FRMD4A: variants seen among roughly 807,000 people sequenced by gnomAD.
FRMD4A encodes the protein FERM domain-containing protein 4A.
Under a neutral mutation model 129.1 loss-of-function variants are expected in FRMD4A, and 29 were observed. That is an observed-to-expected ratio of 0.22 (90% CI 0.17 to 0.31). The LOEUF is 0.31. Among genes scored for constraint, FRMD4A ranks in the 10% least tolerant of loss-of-function variants. The probability of loss-of-function intolerance (pLI) is 1.00; values close to 1 mark genes in which losing one functional copy is unlikely to be tolerated. For missense variants in FRMD4A, 1,272 were observed against 1,375.8 expected, an observed-to-expected ratio of 0.92 and a Z score of 1.19; for synonymous variants, 634 against 571.6, an observed-to-expected ratio of 1.11 and a Z score of -1.56.
chr10:13,696,433 G>C (rs924387189), intron 14 of FRMD4A, among the ~76,000 whole-genome samples: 1 of 152,302 alleles, frequency 6.6e-6, no homozygotes, highest in Non-Finnish European at 1.5e-5. Flanking sequence ...AAGGGTCTGG[G>C]CTCTGAAGTC....
chr10:13,825,385 T>A (rs1054187141), intron 3 of FRMD4A, among the ~76,000 whole-genome samples: 1 of 152,174 alleles, frequency 6.6e-6, no homozygotes, highest in African/African-American at 2.4e-5. Flanking sequence ...TGTTAGAAAC[T>A]GGGTTGCACA....
chr10:13,961,031 G>T (rs865793806), intron 2 of FRMD4A, among the ~76,000 whole-genome samples: 5 of 152,172 alleles, frequency 3.3e-5, no homozygotes, highest in Middle Eastern at 3.2e-3. Flanking sequence ...CACTGCAGAA[G>T]CTAAAGTTAC....
intron 2 of FRMD4A, among the ~76,000 whole-genome samples, chr10:14,164,810 C>G: frequency 6.6e-6 from 1 of 152,316 alleles, no homozygotes; most frequent in East Asian, 1.9e-4. Context: ...CTGCAACCCA[C>G]GATGGCTTTG....
At chr10:13,731,189 A>C (rs1054155921) in intron 12 of FRMD4A, among the ~76,000 whole-genome samples, 4 of 152,184 alleles carry the variant, frequency 2.6e-5, no homozygotes, top group Non-Finnish European at 5.9e-5. Context: ...GAGGAGAGCT[A>C]CAAAGCACTC....
chr10:13,728,573 C>CATTTTTTTTTTTTTTTTTTTTTT (rs2090078104), intron 12 of FRMD4A, among the ~76,000 whole-genome samples: 1 of 78,372 alleles, frequency 1.3e-5, no homozygotes, highest in Non-Finnish European at 2.4e-5. Flanking sequence ...GATTACCATT[C>CATTTTTTTTTTTTTTTTTTTTTT]TTTTTTTTTT....
At chr10:13,830,135 C>G (rs113549019) in intron 3 of FRMD4A, among the ~76,000 whole-genome samples, 2,717 of 152,284 alleles carry the variant, frequency 0.018, 44 homozygotes, top group Non-Finnish European at 0.026. Context: ...GTGTGTCAGT[C>G]TGCAGAGAGA....
chr10:14,245,021 G>C (rs1014170457), intron 2 of FRMD4A, among the ~76,000 whole-genome samples: 1 of 152,226 alleles, frequency 6.6e-6, no homozygotes, highest in African/African-American at 2.4e-5. Context: ...GACCTTCTGA[G>C]CTCTTACATC....
rs530175339 is a variant in FRMD4A at position 14,196,848 on chromosome 10, C to T, written c.45+133210G>A. Among the ~76,000 whole-genome samples the T allele has an allele frequency of 7.2e-5, 11 of 152,282 alleles. No individual in the cohort carries two copies. In the South Asian group the frequency reaches 2.3e-3, roughly 32 times the overall value. Reference sequence around the variant, plus strand: ...CATCTTTATGTCCAGTCGTAGTTCTCTAAATGGTTTGGGCTAAACTTCTTA... The same window carrying T: ...CATCTTTATGTCCAGTCGTAGTTCTTTAAATGGTTTGGGCTAAACTTCTTA... On this transcript the variant is annotated intron_variant, in intron 2 of 24. Coordinates refer to ENST00000357447, the MANE Select transcript of FRMD4A (RefSeq NM_018027.5).
chr10:14,132,015 C>T (rs1839285739), intron 2 of FRMD4A, among the ~76,000 whole-genome samples: 1 of 152,130 alleles, frequency 6.6e-6, no homozygotes, highest in African/African-American at 2.4e-5. Context: ...AAACATAAGG[C>T]CAGGTGCAGT....
chr10:13,971,386 T>C (rs2095517358), intron 2 of FRMD4A, among the ~76,000 whole-genome samples: 1 of 152,130 alleles, frequency 6.6e-6, no homozygotes, highest in African/African-American at 2.4e-5. Context: ...ATGGTGACAA[T>C]AATAATCAAG....
At chr10:14,098,795 C>G (rs559083658) in intron 2 of FRMD4A, among the ~76,000 whole-genome samples, 1 of 152,324 alleles carries the variant, frequency 6.6e-6, no homozygotes, top group South Asian at 2.1e-4. Flanking sequence ...TCAATGGTCA[C>G]AAGGTCTGAG....
chr10:13,935,653 A>G (rs1161844941), intron 2 of FRMD4A, among the ~76,000 whole-genome samples: 2 of 152,126 alleles, frequency 1.3e-5, no homozygotes, highest in African/African-American at 4.8e-5. Flanking sequence ...CAAGGCCAGA[A>G]AGCAGGGAAC....
At chr10:13,912,423 A>C (rs568709348) in intron 2 of FRMD4A, among the ~76,000 whole-genome samples, 84 of 152,284 alleles carry the variant, frequency 5.5e-4, no homozygotes, top group African/African-American at 1.1e-3. Context: ...ATGAATGTTC[A>C]TAGTGACATT....
At chr10:13,655,196 A>G (rs1487482477) in intron 22 of FRMD4A, 1 of 152,244 alleles carries the variant, frequency 6.6e-6, no homozygotes, top group Non-Finnish European at 1.5e-5. Flanking sequence ...TGGTAAAGGA[A>G]TCCTTTCCAT....
chr10:14,141,384 C>T (rs140504667), intron 2 of FRMD4A, among the ~76,000 whole-genome samples: 39 of 152,238 alleles, frequency 2.6e-4, no homozygotes, highest in African/African-American at 8.9e-4. Flanking sequence ...CACCATCTGC[C>T]GGATGCTATC....
chr10:14,188,905 C>G (rs1405183416), intron 2 of FRMD4A, among the ~76,000 whole-genome samples: 2 of 152,124 alleles, frequency 1.3e-5, no homozygotes, highest in East Asian at 3.9e-4. Context: ...GGTTTTGTCT[C>G]AAAAACAAAA....
intron 2 of FRMD4A, among the ~76,000 whole-genome samples, chr10:14,118,895 T>A (rs1358472135): frequency 6.6e-6 from 1 of 152,022 alleles, no homozygotes; most frequent in Admixed American, 6.6e-5. Context: ...TAACCCTGAA[T>A]CCCCACAACT....
At chr10:13,786,044 C>G (rs1386603776) in intron 5 of FRMD4A, among the ~76,000 whole-genome samples, 2 of 152,156 alleles carry the variant, frequency 1.3e-5, no homozygotes, top group African/African-American at 4.8e-5. Flanking sequence ...GGGTTGGTTC[C>G]AAGTCTTTGC....
chr10:13,722,616 C>T (rs1338439853), intron 12 of FRMD4A, among the ~76,000 whole-genome samples: 1 of 152,086 alleles, frequency 6.6e-6, no homozygotes, highest in Non-Finnish European at 1.5e-5. Flanking sequence ...ATGAATTATG[C>T]TGTCTGTGAG....
Sources: gnomAD v4.1 joint callset for allele counts (sites outside exome capture counted in the v4.1 genomes callset) on GRCh38, gnomAD v4.1.1 for gene constraint, MANE v1.5 for transcripts, NCBI Gene and HGNC (gene_info 2026-07-23, HGNC 2026-07-21) for gene names.